Variants in CAMSAP1 observed in about 807,000 individuals in gnomAD.
The protein encoded by CAMSAP1 is calmodulin regulated spectrin associated protein 1.
Under a neutral mutation model 143.5 loss-of-function variants are expected in CAMSAP1, and 58 were observed. The ratio of observed to expected loss-of-function variants is 0.40; its 90% confidence interval spans 0.33 to 0.50. The LOEUF is 0.50. Among genes scored for constraint, CAMSAP1 ranks in the 20% least tolerant of loss-of-function variants. The pLI is 0.45. For synonymous variants in CAMSAP1, 945 were observed against 859.3 expected, an observed-to-expected ratio of 1.10 and a Z score of -1.74; for missense variants, 1,969 against 2,115.7, an observed-to-expected ratio of 0.93 and a Z score of 1.36.
rs1281997901 is a variant in CAMSAP1, at chr9:135,820,213, C to G, written c.3822+626G>C. Among the ~76,000 whole-genome samples, 2 of 152,262 alleles carry G rather than the reference C, an allele frequency of 1.3e-5. No homozygotes were observed. Among genetic ancestry groups the G allele is most frequent in the African/African-American group, 4.8e-5 (2 of 41,544 alleles). ...TAAGTAACTGTGTATCAAAATCTAT[C>G]TAAACATTGAAAAACTACCACGAAA... On this transcript the variant is annotated intron_variant, in intron 11 of 16. Transcript: ENST00000389532. This position sits in a 1 kb window ranked among gnomAD's most constrained non-coding sequence, Gnocchi z 4.4.
At chr9:135,874,600 T>C (rs1275851080) in intron 3 of CAMSAP1, among the ~76,000 whole-genome samples, 1 of 151,030 alleles carries the variant, frequency 6.6e-6, no homozygotes, top group Non-Finnish European at 1.5e-5. Flanking sequence ...TAAGATGAAA[T>C]ACAAGCAAAA....
intron 1 of CAMSAP1, among the ~76,000 whole-genome samples, chr9:135,904,587 C>T (rs1205396958): frequency 2.0e-5 from 3 of 152,040 alleles, no homozygotes; most frequent in Non-Finnish European, 2.9e-5. Context: ...AATTACCACA[C>T]CTGGCTTAAA....
At chr9:135,878,720 G>A (rs188072301) in intron 3 of CAMSAP1, among the ~76,000 whole-genome samples, 5 of 152,244 alleles carry the variant, frequency 3.3e-5, no homozygotes, top group Admixed American at 2.0e-4. Context: ...CGGGGAACTC[G>A]CACTTCCTAC....
chr9:135,847,037 C>A (rs914472057), intron 7 of CAMSAP1, among the ~76,000 whole-genome samples: 2 of 152,106 alleles, frequency 1.3e-5, no homozygotes, highest in Non-Finnish European at 1.5e-5. Context: ...TGGGTATATA[C>A]CCAAAGGATT....
chr9:135,861,290 T>C (rs972275361), intron 5 of CAMSAP1, among the ~76,000 whole-genome samples: 5 of 150,010 alleles, frequency 3.3e-5, no homozygotes, highest in Non-Finnish European at 7.4e-5. Context: ...TCCTGGTACC[T>C]GAGGCTCTCT....
chr9:135,906,992 C>G lies in CAMSAP1; in HGVS notation c.160+8G>C. On this transcript the variant is annotated splice_region_variant and intron_variant, in intron 1 of 16. Coordinates refer to ENST00000389532, the MANE Select transcript of CAMSAP1 (RefSeq NM_015447.4). ...TGGCCCCCGCCCCGCGCCCCTCACCCGGCCCACCTCGGCCGTAGGCCTTGG... is the reference window on the plus strand; with the variant it reads ...TGGCCCCCGCCCCGCGCCCCTCACCGGGCCCACCTCGGCCGTAGGCCTTGG... The G allele has an allele frequency of 1.8e-6, 2 of 1,087,320 alleles. No homozygotes were observed. Among genetic ancestry groups the G allele is most frequent in the Non-Finnish European group, 2.2e-6 (2 of 894,064 alleles). 67.4% of individuals were successfully genotyped at this position (1,087,320 alleles called of 1,614,324 possible).
At chr9:135,823,301 C>A (rs181717362) in intron 10 of CAMSAP1, 41 bp from the exon 11 acceptor site, 7 of 1,515,042 alleles carry the variant, frequency 4.6e-6, no homozygotes, top group Non-Finnish European at 6.2e-6. Context: ...CTGCGGTATA[C>A]ACCAAAGACC....
intron 7 of CAMSAP1, among the ~76,000 whole-genome samples, chr9:135,839,515 C>A (rs1836262409): frequency 6.6e-6 from 1 of 152,154 alleles, no homozygotes; most frequent in Non-Finnish European, 1.5e-5. Flanking sequence ...TCTGGCAAGT[C>A]AGCTGGGAGA....
intron 5 of CAMSAP1, 38 bp downstream of exon 5, chr9:135,862,429 C>A: frequency 6.5e-7 from 1 of 1,540,684 alleles, no homozygotes; most frequent in Non-Finnish European, 8.8e-7. Context: ...TCCTTTAAGC[C>A]TTTTCGGATC....
chr9:135,828,317 CCA>C (rs1262284734), intron 7 of CAMSAP1, among the ~76,000 whole-genome samples: 1 of 152,192 alleles, frequency 6.6e-6, no homozygotes, highest in African/African-American at 2.4e-5. Flanking sequence ...GGGAGGGCAC[CCA>C]CTAGGTGATG....
intron 1 of CAMSAP1, among the ~76,000 whole-genome samples, chr9:135,899,682 G>A (rs1398500395): frequency 2.6e-5 from 4 of 152,042 alleles, no homozygotes; most frequent in African/African-American, 9.7e-5. Context: ...CTACCCCCAT[G>A]AGGCCACCAG....
At chr9:135,877,498 A>T (rs1303056553) in intron 3 of CAMSAP1, among the ~76,000 whole-genome samples, 2 of 66,116 alleles carry the variant, frequency 3.0e-5, no homozygotes, top group African/African-American at 2.2e-4. Context: ...AGCTGTCTTA[A>T]AAAAAAAAAA....
At chr9:135,843,688 G>A (rs564431655) in intron 7 of CAMSAP1, among the ~76,000 whole-genome samples, 1 of 151,864 alleles carries the variant, frequency 6.6e-6, no homozygotes, top group South Asian at 2.1e-4. Flanking sequence ...TGGCTAACAC[G>A]CTGAAACCCC....
chr9:135,873,520 G>A (rs10081741), intron 3 of CAMSAP1, among the ~76,000 whole-genome samples: 52,869 of 151,968 alleles, frequency 0.35, 10,802 homozygotes, highest in African/African-American at 0.58. Context: ...GAAGATTAAT[G>A]AAGTTGATAA....
rs1281584479 is a variant in CAMSAP1, at chr9:135,907,292, G to C, written c.-133C>G. On this transcript the variant is annotated 5_prime_UTR_variant, in exon 1 of 17. Coordinates refer to ENST00000389532, the MANE Select transcript of CAMSAP1 (RefSeq NM_015447.4). The stretch of plus-strand genomic sequence containing the variant: ...CCAGCCGGGAGGGGCGCCCGAGCGC[G>C]GCCCCCGCCTCACCTCACAGCCGCC... The C allele has an allele frequency of 6.7e-6, 3 of 448,954 alleles. No individual in the cohort carries two copies. Among genetic ancestry groups the C allele is most frequent in the Non-Finnish European group, 8.8e-6 (3 of 341,682 alleles). 27.8% of individuals were successfully genotyped at this position (448,954 alleles called of 1,614,324 possible).
intron 3 of CAMSAP1, among the ~76,000 whole-genome samples, chr9:135,881,037 G>A (rs1349770235): frequency 6.6e-6 from 1 of 151,906 alleles, no homozygotes; most frequent in Non-Finnish European, 1.5e-5. Context: ...TGCATACTAT[G>A]AAAATAAAAA....
In CAMSAP1 at chr9:135,863,426, C is replaced by T. The variant is rs1837268302; in HGVS notation, c.667-818G>A. ...TTCTGCATTAACAGCCACGATACAG[C>T]TTTAAAATATGGCATTTCTTGCCAA... On this transcript the variant is annotated intron_variant, in intron 4 of 16. Coordinates refer to ENST00000389532, the MANE Select transcript of CAMSAP1 (RefSeq NM_015447.4). Among the ~76,000 whole-genome samples the T allele has an allele frequency of 2.6e-5, 4 of 152,188 alleles. No homozygotes were observed. In the South Asian group the frequency reaches 8.3e-4, roughly 31 times the overall value.
Position 135,818,037 on chromosome 9 carries a change from A to G in CAMSAP1, c.4211T>C (p.Leu1404Ser), listed in dbSNP as rs761651796. Residue 1404 changes from leucine (L) to serine (S), a missense_variant, in exon 14 of 17, where the codon TTG (leucine) becomes TCG (serine). Coordinates refer to ENST00000389532, the MANE Select transcript of CAMSAP1 (RefSeq NM_015447.4). This position sits in a 1 kb window ranked among gnomAD's most constrained non-coding sequence, Gnocchi z 7.7. ...SRTQSGSSLS[L>S]ASAATTEPES... ...GGGTTCTGTCGTCGCCGCAGAGGCC[A>G]AGGACAGGCTGGAGCCTGACTGAGT... is the stretch of plus-strand genomic sequence containing the variant. 6 of 1,613,792 alleles carry G rather than the reference A, an allele frequency of 3.7e-6. No individual in the cohort carries two copies. Among genetic ancestry groups the G allele is most frequent in the Admixed American group, 1.7e-5 (1 of 60,012 alleles).
At chr9:135,843,230 G>C (rs1836426086) in intron 7 of CAMSAP1, among the ~76,000 whole-genome samples, 4 of 152,182 alleles carry the variant, frequency 2.6e-5, no homozygotes, top group Admixed American at 2.6e-4. Context: ...GGGAGGCTGA[G>C]GCAGGAGAAT....
Sources: gnomAD v4.1 joint callset for allele counts (sites outside exome capture counted in the v4.1 genomes callset) on GRCh38, gnomAD v4.1.1 for gene constraint, Gnocchi (gnomAD v3.1) non-coding constraint, MANE v1.5 for transcripts, NCBI Gene and HGNC (gene_info 2026-07-23, HGNC 2026-07-21) for gene names.